NFATC1: variants seen among roughly 807,000 people sequenced by gnomAD.
The protein encoded by NFATC1 is nuclear factor of activated T-cells, cytoplasmic 1.
Under a neutral mutation model 76.0 loss-of-function variants are expected in NFATC1, and 22 were observed. The ratio of observed to expected loss-of-function variants is 0.29; its 90% CI spans 0.21 to 0.41. The LOEUF (loss-of-function observed/expected upper bound fraction) is 0.41. Ranked by LOEUF, NFATC1 falls within the 10% of genes least tolerant of loss-of-function variation. The probability of loss-of-function intolerance (pLI) is 1.00; values close to 1 mark genes in which losing one functional copy is unlikely to be tolerated. For synonymous variants in NFATC1, 704 were observed against 613.1 expected, an observed-to-expected ratio of 1.15 and a Z score of -2.19; for missense variants, 1,357 against 1,337.7, an observed-to-expected ratio of 1.01 and a Z score of -0.23.
chr18:79,520,171 C>G (rs896829214), intron 9 of NFATC1, among the ~76,000 whole-genome samples: 1 of 144,558 alleles, frequency 6.9e-6, no homozygotes, highest in African/African-American at 2.5e-5. Context: ...ACAGCCTTCT[C>G]GAAGCCCCTC....
At chr18:79,433,449 A>G (rs897345727) in intron 2 of NFATC1, 130 bp from the exon 3 acceptor site, 1 of 1,091,328 alleles carries the variant, frequency 9.2e-7, no homozygotes, top group Non-Finnish European at 1.4e-6. Context: ...AGGCTTCTCC[A>G]TCTCCATGTC....
At chr18:79,454,646 C>T (rs553038109) in intron 6 of NFATC1, among the ~76,000 whole-genome samples, 6 of 152,184 alleles carry the variant, frequency 3.9e-5, no homozygotes, top group Non-Finnish European at 8.8e-5. Flanking sequence ...AGGCCGGGAG[C>T]GGAGTCAGCC....
chr18:79,522,735 G>A (rs1314600696), intron 9 of NFATC1, among the ~76,000 whole-genome samples: 2 of 152,154 alleles, frequency 1.3e-5, no homozygotes, highest in African/African-American at 4.8e-5. Flanking sequence ...TTGGAGGAGA[G>A]AGGACGGACT....
At chr18:79,450,640 C>A (rs1343568430) in intron 4 of NFATC1, among the ~76,000 whole-genome samples, 1 of 152,058 alleles carries the variant, frequency 6.6e-6, no homozygotes, top group African/African-American at 2.4e-5. Flanking sequence ...TCCGACTGGA[C>A]CCGCTTGGTC....
intron 9 of NFATC1, among the ~76,000 whole-genome samples, chr18:79,492,022 C>T (rs2089693858): frequency 1.3e-5 from 2 of 152,236 alleles, no homozygotes; most frequent in African/African-American, 2.4e-5. Flanking sequence ...CCCGTGAGGA[C>T]ATAGAACTTT....
At chr18:79,448,416 G>T (rs2087309244) in intron 3 of NFATC1, 1 of 295,142 alleles carries the variant, frequency 3.4e-6, no homozygotes, top group Non-Finnish European at 6.4e-6. Context: ...GTCATGTCCT[G>T]CGGGGCCTCA....
intron 8 of NFATC1, among the ~76,000 whole-genome samples, chr18:79,471,330 G>A (rs1046251655): frequency 6.6e-6 from 1 of 152,138 alleles, no homozygotes. Flanking sequence ...TTGTGTGAGG[G>A]GTGCACTTGT....
rs2089494827 is a variant in NFATC1, at chr18:79,486,380, C to G, written c.2225C>G (p.Ser742Cys). ...QQLAMPPDPS[S>C]CLVAGFPPCP... is the part of the protein sequence containing the mutation. ...CTCGCGATGCCACCCGACCCCAGCTCCTGCCTCGTGGCCGGCTTCCCGCCC... is the reference window on the plus strand; with the variant it reads ...CTCGCGATGCCACCCGACCCCAGCTGCTGCCTCGTGGCCGGCTTCCCGCCC... Residue 742 changes from serine (S) to cysteine (C), a missense_variant, in exon 9 of 10, where the codon TCC becomes TGC. This residue lies in a region of NFATC1 where 424 missense variants were observed against 395.4 expected (regional missense o/e 1.07). Transcript: ENST00000427363. The G allele has an allele frequency of 6.2e-7, 1 of 1,613,016 alleles. No homozygotes were observed. Among genetic ancestry groups the G allele is most frequent in the Non-Finnish European group, 8.5e-7 (1 of 1,180,000 alleles).
rs767878913 is a variant in NFATC1, at chr18:79,396,195, G to A, written c.-30G>A. ...GGCCGCTTCTCCTGTGCCTCCGCCCGCCGCTCCACTCCCCGCCGCCGCCGC... is the reference window on the plus strand; with the variant it reads ...GGCCGCTTCTCCTGTGCCTCCGCCCACCGCTCCACTCCCCGCCGCCGCCGC... On this transcript the variant is annotated 5_prime_UTR_variant, in exon 1 of 10. Transcript: ENST00000427363. 2.1e-6 allele frequency: 3 copies of A among 1,449,476 alleles called. No individual in the cohort carries two copies. The highest frequency in any genetic ancestry group is 2.8e-6 in the Non-Finnish European group (3 of 1,089,898). 89.8% of individuals were successfully genotyped at this position (1,449,476 alleles called of 1,614,324 possible).
intron 9 of NFATC1, among the ~76,000 whole-genome samples, chr18:79,523,717 C>T (rs1373824912): frequency 1.3e-5 from 2 of 152,182 alleles, no homozygotes; most frequent in Admixed American, 1.3e-4. Context: ...GGCTCTCAGC[C>T]TGCAGCCAGG....
At chr18:79,440,021 A>G (rs543413067) in intron 3 of NFATC1, among the ~76,000 whole-genome samples, 5 of 152,264 alleles carry the variant, frequency 3.3e-5, no homozygotes, top group African/African-American at 1.2e-4. Flanking sequence ...CTGATTTCTA[A>G]CTACCTGTTC....
rs1413064470 is a variant in NFATC1, at chr18:79,505,869, G to A, written c.2782+18932G>A. ...GGAGACTGCTGCGTGGGAGGAGGTG[G>A]TGCTGGAGGCCCTTGGATGAGGGAA... On this transcript the variant is annotated intron_variant, in intron 9 of 9. Coordinates refer to ENST00000427363, the MANE Select transcript of NFATC1 (RefSeq NM_001278669.2). Among the ~76,000 whole-genome samples the A allele has an allele frequency of 6.2e-5, 9 of 144,416 alleles. No homozygotes were observed. In the East Asian group the frequency reaches 1.0e-3, roughly 17 times the overall value. The allele number at this position is 144,416 out of a possible 152,430, so 94.7% of individuals were successfully genotyped here.
At chr18:79,500,774 G>T (rs530898726) in intron 9 of NFATC1, among the ~76,000 whole-genome samples, 1 of 152,024 alleles carries the variant, frequency 6.6e-6, no homozygotes. Flanking sequence ...TCTTAGACAC[G>T]AATTACCTAA....
In NFATC1 at chr18:79,473,282, A is replaced by G. The variant is rs142352756; in HGVS notation, c.2092+5700A>G. ...TCATCCCTGTTCTACTGAAGGCCCC[A>G]CAACCACCTGAGGGAGACAGCTTTT... is the stretch of plus-strand genomic sequence containing the variant. On this transcript the variant is annotated intron_variant, in intron 8 of 9. Coordinates refer to ENST00000427363, the MANE Select transcript of NFATC1 (RefSeq NM_001278669.2). 2.6e-4 allele frequency among the ~76,000 whole-genome samples: 39 copies of G among 152,372 alleles called. No homozygotes were observed. The East Asian group carries it at 6.2e-3, about 24-fold the overall frequency.
At chr18:79,489,533 G>A (rs2089615603) in intron 9 of NFATC1, among the ~76,000 whole-genome samples, 1 of 152,242 alleles carries the variant, frequency 6.6e-6, no homozygotes, top group Non-Finnish European at 1.5e-5. Context: ...CGGGACACTT[G>A]AGGACAACCT....
intron 8 of NFATC1, among the ~76,000 whole-genome samples, chr18:79,475,601 C>T (rs540152813): frequency 6.6e-6 from 1 of 151,732 alleles, no homozygotes; most frequent in East Asian, 2.0e-4. Flanking sequence ...TGTTCTCATG[C>T]TCACTGTCGA....
chr18:79,431,918 G>A (rs2086603265), intron 2 of NFATC1, among the ~76,000 whole-genome samples: 1 of 152,172 alleles, frequency 6.6e-6, no homozygotes, highest in South Asian at 2.1e-4. Context: ...GGCCAGGATG[G>A]TCTCAATCTC....
At position 79,411,217 on chromosome 18, in the gene NFATC1, C is replaced by A; in HGVS notation, c.942C>A (p.Ala314=). 1 of 1,606,610 alleles carries A rather than the reference C, an allele frequency of 6.2e-7. No individual in the cohort carries two copies. The highest frequency in any genetic ancestry group is 8.5e-7 in the Non-Finnish European group (1 of 1,179,812). Residue 314 remains alanine, a synonymous_variant, in exon 2 of 10, where the codon GCC becomes GCA. Coordinates refer to ENST00000427363, the MANE Select transcript of NFATC1 (RefSeq NM_001278669.2). ...AGTACACCAGCTCGGCCATCGTGGC[C>A]GCCATCAACGCGCTGACCACCGACA... is the stretch of plus-strand genomic sequence containing the variant. ...TTQYTSSAIV[A]AINALTTDSS... is the part of the protein sequence containing the mutation.
At chr18:79,495,976 A>G (rs1291206634) in intron 9 of NFATC1, 1 of 150,810 alleles carries the variant, frequency 6.6e-6, no homozygotes, top group African/African-American at 2.5e-5. Context: ...CGCAAGTGTC[A>G]CTGTAACGCA....
Sources: allele counts gnomAD v4.1 joint callset (sites outside exome capture counted in the v4.1 genomes callset), GRCh38; gene constraint gnomAD v4.1.1; regional missense constraint gnomAD v4.1.1; transcripts MANE v1.5; gene names NCBI Gene and HGNC (gene_info 2026-07-23, HGNC 2026-07-21).